NFATC1: variants seen among roughly 807,000 people sequenced by gnomAD.
NFATC1 encodes the protein nuclear factor of activated T-cells, cytoplasmic 1.
NFATC1 carries 22 observed loss-of-function variants against 76.0 expected under a neutral mutation model. The observed-to-expected ratio is 0.29, with a 90% CI of 0.21 to 0.41. The LOEUF (loss-of-function observed/expected upper bound fraction) is 0.41. NFATC1 is among the 10% of genes least tolerant of loss of function. The pLI is 1.00. For missense variants in NFATC1, 1,357 were observed against 1,337.7 expected (o/e 1.01, Z -0.23); for synonymous variants, 704 against 613.1 (o/e 1.15, Z -2.19).
intron 2 of NFATC1, among the ~76,000 whole-genome samples, chr18:79,419,122 C>G (rs779498702): frequency 5.3e-5 from 8 of 152,140 alleles, no homozygotes; most frequent in African/African-American, 9.7e-5. Context: ...CTCCTGGGCT[C>G]AGGTGACCCT....
chr18:79,418,530 G>T (rs2085956159), intron 2 of NFATC1, among the ~76,000 whole-genome samples: 1 of 152,210 alleles, frequency 6.6e-6, no homozygotes, highest in Admixed American at 6.5e-5. Context: ...ACCAAGATGT[G>T]GAGCCTTCTG....
At chr18:79,471,326 GA>G (rs2088778326) in intron 8 of NFATC1, among the ~76,000 whole-genome samples, 1 of 152,226 alleles carries the variant, frequency 6.6e-6, no homozygotes, top group Non-Finnish European at 1.5e-5. Context: ...GGGCTTGTGT[GA>G]GGGGTGCACT....
At position 79,410,055 on chromosome 18, in the gene NFATC1, G is replaced by A. The variant is rs756037844; in HGVS notation, c.128-348G>A. On this transcript the variant is annotated intron_variant, in intron 1 of 9. Coordinates refer to ENST00000427363, the MANE Select transcript of NFATC1 (RefSeq NM_001278669.2). The surrounding 1 kb of genome is among the most constrained non-coding windows in gnomAD (Gnocchi z 6.7). The stretch of plus-strand genomic sequence containing the variant: ...CTCTCTCTGGGAAGGACGTTCGGAT[G>A]AAGATGGGGTGGTTGGGGAAGGTGG... 3.2e-6 allele frequency: 2 copies of A among 634,780 alleles called. No homozygotes were observed. The highest frequency in any genetic ancestry group is 2.8e-5 in the South Asian group (2 of 72,294). The allele number at this position is 634,780 out of a possible 1,614,324, so 39.3% of individuals were successfully genotyped here.
At chr18:79,458,280 G>C (rs970844575) in intron 6 of NFATC1, among the ~76,000 whole-genome samples, 1 of 152,162 alleles carries the variant, frequency 6.6e-6, no homozygotes. Flanking sequence ...TGAGGATGCT[G>C]TGGGGTGCAC....
intron 9 of NFATC1, among the ~76,000 whole-genome samples, chr18:79,521,415 G>A (rs1220890328): frequency 1.3e-4 from 13 of 98,736 alleles, no homozygotes; most frequent in Admixed American, 4.1e-4. Flanking sequence ...GTGTGTGGGG[G>A]GCATCCACTG....
chr18:79,492,006 G>A (rs563283680), intron 9 of NFATC1, among the ~76,000 whole-genome samples: 8 of 152,326 alleles, frequency 5.3e-5, no homozygotes, highest in Admixed American at 1.3e-4. Context: ...TGCTGACGAC[G>A]GCCTGCCCGT....
intron 1 of NFATC1, among the ~76,000 whole-genome samples, chr18:79,408,915 A>G (rs1270027578): frequency 2.1e-5 from 3 of 143,580 alleles, no homozygotes; most frequent in Non-Finnish European, 4.5e-5. Flanking sequence ...ATCATCATCC[A>G]TCCATTATTC....
intron 8 of NFATC1, among the ~76,000 whole-genome samples, chr18:79,472,394 C>A (rs928332257): frequency 6.6e-6 from 1 of 152,178 alleles, no homozygotes; most frequent in South Asian, 2.1e-4. Context: ...TCTGGGCCGC[C>A]GCCCGACCTC....
chr18:79,463,654 T>G (rs8085063), intron 7 of NFATC1, among the ~76,000 whole-genome samples: 47,258 of 152,206 alleles, frequency 0.31, 7,374 homozygotes, highest in East Asian at 0.37. Flanking sequence ...TCCTCCCCAC[T>G]GGGCTGCCCT....
At chr18:79,510,475 G>A (rs1325066024) in intron 9 of NFATC1, among the ~76,000 whole-genome samples, 1 of 152,236 alleles carries the variant, frequency 6.6e-6, no homozygotes, top group African/African-American at 2.4e-5. Flanking sequence ...TGGCACCTGC[G>A]TGGTTGCCAC....
chr18:79,450,418 A>G (rs907644789), intron 4 of NFATC1, among the ~76,000 whole-genome samples: 1 of 148,450 alleles, frequency 6.7e-6, no homozygotes. Flanking sequence ...TATTTTATAT[A>G]ATTATAAATA....
rs1397112375 is a variant in NFATC1, at chr18:79,425,715, C to G, written c.1227-7864C>G. Among the ~76,000 whole-genome samples, 7 of 152,172 alleles carry G rather than the reference C, an allele frequency of 4.6e-5. No individual in the cohort carries two copies. In the South Asian group the frequency reaches 1.4e-3, roughly 31 times the overall value. On this transcript the variant is annotated intron_variant, in intron 2 of 9. Transcript: ENST00000427363. ...GTGTTTTCAGATGCTGGGGACGTGG[C>G]CTTTCTAAGGGAGAGGGACATGGCA... is the stretch of plus-strand genomic sequence containing the variant.
At chr18:79,507,427 C>A (rs1035418926) in intron 9 of NFATC1, among the ~76,000 whole-genome samples, 4 of 152,272 alleles carry the variant, frequency 2.6e-5, no homozygotes, top group Non-Finnish European at 5.9e-5. Context: ...TGGCTCCCCA[C>A]AGACATGGGG....
rs1033056886 is a variant in NFATC1, at chr18:79,510,943, G to C, written c.2783-16585G>C. On this transcript the variant is annotated intron_variant, in intron 9 of 9. Coordinates refer to ENST00000427363, the MANE Select transcript of NFATC1 (RefSeq NM_001278669.2). ...CTCCTCCGCCGGGGCATCCTGCTCC[G>C]GGGCATCGTTCGCCGGTCTTGTCGC... Among the ~76,000 whole-genome samples the C allele has an allele frequency of 3.9e-5, 6 of 152,202 alleles. No homozygotes were observed. In the East Asian group the frequency reaches 9.7e-4, roughly 24 times the overall value.
chr18:79,503,332 G>A (rs1600944807), intron 9 of NFATC1, among the ~76,000 whole-genome samples: 1 of 152,318 alleles, frequency 6.6e-6, no homozygotes, highest in East Asian at 1.9e-4. Context: ...GGCTTCCAGG[G>A]CATATAAAAG....
intron 1 of NFATC1, among the ~76,000 whole-genome samples, chr18:79,407,788 G>GAGACTGCGTGGCT (rs1240496738): frequency 1.3e-5 from 2 of 152,210 alleles, no homozygotes; most frequent in African/African-American, 4.8e-5. Context: ...TCCGGTGCAG[G>GAGACTGCGTGGCT]AGACTGCGTG....
chr18:79,497,151 G>A (rs953763236), intron 9 of NFATC1: 2 of 152,258 alleles, frequency 1.3e-5, no homozygotes, highest in African/African-American at 4.8e-5. Context: ...GCTAAGGCAC[G>A]TTTCCATAAG....
intron 1 of NFATC1, among the ~76,000 whole-genome samples, chr18:79,406,744 G>T (rs1432536148): frequency 6.6e-6 from 1 of 152,164 alleles, no homozygotes; most frequent in Non-Finnish European, 1.5e-5. Context: ...GGAGCCGCAG[G>T]CCTGCGCTCG....
At chr18:79,440,316 A>G (rs1248492366) in intron 3 of NFATC1, among the ~76,000 whole-genome samples, 1 of 152,178 alleles carries the variant, frequency 6.6e-6, no homozygotes, top group Non-Finnish European at 1.5e-5. Flanking sequence ...CTAGGTAGAG[A>G]GGGGTCTGCA....
Sources: gnomAD v4.1 joint callset for allele counts (sites outside exome capture counted in the v4.1 genomes callset) on GRCh38, gnomAD v4.1.1 for gene constraint, Gnocchi (gnomAD v3.1) non-coding constraint, MANE v1.5 for transcripts, NCBI Gene and HGNC (gene_info 2026-07-23, HGNC 2026-07-21) for gene names.